ASNS: variants seen among roughly 807,000 people sequenced by gnomAD.
The protein encoded by ASNS is asparagine synthetase (glutamine-hydrolyzing), also known as asparagine synthetase [glutamine-hydrolyzing].
ASNS carries 37 observed loss-of-function variants against 62.6 expected under a neutral mutation model. That is an observed-to-expected ratio of 0.59 (90% CI 0.45 to 0.78). The LOEUF is 0.78. Among genes scored for constraint, ASNS ranks in the 30% least tolerant of loss-of-function variants. ASNS has a pLI of 0.00. For missense variants in ASNS, 520 were observed against 682.4 expected, an observed-to-expected ratio of 0.76 and a Z score of 2.65; for synonymous variants, 207 against 237.9, an observed-to-expected ratio of 0.87 and a Z score of 1.19.
At chr7:97,903,141 T>C in the ASNS span, among the ~76,000 whole-genome samples, 1 of 152,118 alleles carries the variant, frequency 6.6e-6, no homozygotes, top group African/African-American at 2.4e-5. Context: ...TCACACAGTA[T>C]CTGCTCTTTC....
intron 1 of ASNS, among the ~76,000 whole-genome samples, chr7:97,870,638 T>C (rs1792210368): frequency 6.6e-6 from 1 of 152,224 alleles, no homozygotes; most frequent in Admixed American, 6.5e-5. Context: ...TATAACAAAT[T>C]ATTTGAGATT....
the ASNS span, among the ~76,000 whole-genome samples, chr7:97,927,690 C>G: frequency 6.6e-6 from 1 of 152,276 alleles, no homozygotes; most frequent in Non-Finnish European, 1.5e-5. Context: ...CCGACCAGAA[C>G]CTCTCCCTTC....
the ASNS span, among the ~76,000 whole-genome samples, chr7:97,890,644 G>A: frequency 1.3e-5 from 2 of 152,158 alleles, no homozygotes; most frequent in African/African-American, 4.8e-5. Flanking sequence ...AGACTCAAAA[G>A]GCTGAGGCAG....
chr7:97,924,410 G>A, the ASNS span, among the ~76,000 whole-genome samples: 2 of 152,192 alleles, frequency 1.3e-5, no homozygotes, highest in Non-Finnish European at 2.9e-5. Context: ...TCCAGTGGGT[G>A]GCCATGTCTT....
At chr7:97,875,517 A>G (rs938708333), upstream of ASNS, among the ~76,000 whole-genome samples, 4 of 152,074 alleles carry the variant, frequency 2.6e-5, no homozygotes, top group African/African-American at 9.7e-5. Context: ...CATTGTGTTC[A>G]CTCAGGGATC....
rs1403750928 is a variant in ASNS at position 97,852,925 on chromosome 7, G to A, written c.1476+135C>T. On this transcript the variant is annotated intron_variant, in intron 12 of 12. Coordinates refer to ENST00000394308, the MANE Select transcript of ASNS (RefSeq NM_001673.5). ...CCTATCAGAGAGATATCTGATGTAT[G>A]TATCATTCAAACTAAATACATGTAT... 5.2e-6 allele frequency: 4 copies of A among 767,704 alleles called. No homozygotes were observed. The African/African-American group carries it at 5.3e-5, about 10-fold the overall frequency. 47.6% of individuals were successfully genotyped at this position (767,704 alleles called of 1,614,324 possible).
At chr7:97,900,739 G>T in the ASNS span, among the ~76,000 whole-genome samples, 1 of 152,070 alleles carries the variant, frequency 6.6e-6, no homozygotes, top group African/African-American at 2.4e-5. Context: ...TGCTCCAATC[G>T]TGGAGGAAGA....
chr7:97,886,817 T>C, the ASNS span, among the ~76,000 whole-genome samples: 2 of 152,190 alleles, frequency 1.3e-5, no homozygotes, highest in Non-Finnish European at 1.5e-5. Context: ...TTTTAGAATG[T>C]GTAATTCACT....
the ASNS span, among the ~76,000 whole-genome samples, chr7:97,915,857 C>T: frequency 2.6e-5 from 4 of 152,162 alleles, no homozygotes; most frequent in Non-Finnish European, 5.9e-5. Context: ...TGCAAGAAAT[C>T]GAGACCCTCT....
the ASNS span, among the ~76,000 whole-genome samples, chr7:97,896,735 CACACACAT>C: frequency 7.9e-3 from 197 of 24,940 alleles, 8 homozygotes; most frequent in African/African-American, 0.017. Flanking sequence ...CACACACACA[CACACACAT>C]ATATATATAT....
the ASNS span, among the ~76,000 whole-genome samples, chr7:97,884,544 C>T: frequency 1.6e-4 from 24 of 151,940 alleles, no homozygotes; most frequent in Middle Eastern, 6.8e-3. Flanking sequence ...AGTGAAAGTC[C>T]GTCTCCAAAA....
intron 6 of ASNS, 61 bp from the exon 7 acceptor site, chr7:97,858,466 G>A: frequency 6.3e-7 from 1 of 1,587,110 alleles, no homozygotes; most frequent in South Asian, 1.1e-5. Flanking sequence ...GACAGGGACA[G>A]AAGATGTATA....
At chr7:97,898,899 G>T in the ASNS span, 11 of 1,273,648 alleles carry the variant, frequency 8.6e-6, no homozygotes, top group Non-Finnish European at 1.2e-5. Flanking sequence ...TCATCATTCT[G>T]CAAGTCAGCA....
chr7:97,870,828 TAATA>T (rs1792219888), intron 1 of ASNS, among the ~76,000 whole-genome samples: 1 of 152,184 alleles, frequency 6.6e-6, no homozygotes, highest in South Asian at 2.1e-4. Flanking sequence ...AATCCTGCTA[TAATA>T]AATACATTCT....
chr7:97,896,632 A>G, the ASNS span, among the ~76,000 whole-genome samples: 186 of 136,566 alleles, frequency 1.4e-3, no homozygotes, highest in Middle Eastern at 3.8e-3. Flanking sequence ...ATATATATGT[A>G]TATATATATA....
chr7:97,879,147 A>G, the ASNS span, among the ~76,000 whole-genome samples: 1 of 152,198 alleles, frequency 6.6e-6, no homozygotes, highest in South Asian at 2.1e-4. Flanking sequence ...AAATCAATTC[A>G]AGATGGATTA....
chr7:97,880,787 C>G, the ASNS span, among the ~76,000 whole-genome samples: 1 of 152,196 alleles, frequency 6.6e-6, no homozygotes, highest in African/African-American at 2.4e-5. Context: ...GAAGGAGATT[C>G]TCAAACACAG....
chr7:97,906,034 AAAAGT>A, the ASNS span, among the ~76,000 whole-genome samples: 1 of 152,048 alleles, frequency 6.6e-6, no homozygotes, highest in Non-Finnish European at 1.5e-5. Flanking sequence ...TTTTGCCATT[AAAAGT>A]AATGGCAAAA....
At chr7:97,868,444 C>G (rs1339240489) in intron 3 of ASNS, among the ~76,000 whole-genome samples, 1 of 151,996 alleles carries the variant, frequency 6.6e-6, no homozygotes, top group Non-Finnish European at 1.5e-5. Context: ...TGTCCTTATT[C>G]TTAGGAGATA....
Sources: gnomAD v4.1 joint callset for allele counts (sites outside exome capture counted in the v4.1 genomes callset) on GRCh38, gnomAD v4.1.1 for gene constraint, MANE v1.5 for transcripts, NCBI Gene and HGNC (gene_info 2026-07-23, HGNC 2026-07-21) for gene names.